The following OPCML variants were observed in gnomAD, a reference collection of about 807,000 sequenced individuals.
The protein encoded by OPCML is opioid-binding protein/cell adhesion molecule.
OPCML carries 13 observed loss-of-function variants against 37.8 expected under a neutral mutation model. The ratio of observed to expected loss-of-function variants is 0.34; its 90% confidence interval spans 0.22 to 0.55. The LOEUF (loss-of-function observed/expected upper bound fraction) is 0.55, where lower values mean the gene tolerates loss of function less well. Ranked by LOEUF, OPCML falls within the 20% of genes least tolerant of loss-of-function variation. The pLI is 0.91. For missense variants in OPCML, 341 were observed against 435.6 expected (o/e 0.78, Z 1.93); for synonymous variants, 176 against 168.8 (o/e 1.04, Z -0.33).
intron 1 of OPCML, among the ~76,000 whole-genome samples, chr11:133,255,120 A>G (rs1474246354): frequency 6.6e-6 from 1 of 152,212 alleles, no homozygotes; most frequent in East Asian, 1.9e-4. Context: ...GTACACTAAC[A>G]TAACTCAACT....
chr11:132,653,459 C>T (rs1941540125), intron 3 of OPCML, among the ~76,000 whole-genome samples: 1 of 152,142 alleles, frequency 6.6e-6, no homozygotes, highest in African/African-American at 2.4e-5. Context: ...ACTAATCCGA[C>T]CCCACAGCTG....
chr11:133,357,653 G>A (rs570371553), intron 1 of OPCML, among the ~76,000 whole-genome samples: 3 of 152,094 alleles, frequency 2.0e-5, no homozygotes, highest in South Asian at 2.1e-4. Context: ...TAATAAAAAT[G>A]TGTCCACACC....
At chr11:133,215,276 C>T (rs1349895803) in intron 1 of OPCML, among the ~76,000 whole-genome samples, 4 of 152,168 alleles carry the variant, frequency 2.6e-5, no homozygotes, top group Non-Finnish European at 5.9e-5. Context: ...ACACCCATCT[C>T]TTTAAAATCG....
At chr11:133,476,292 G>A (rs1233418663) in intron 1 of OPCML, among the ~76,000 whole-genome samples, 2 of 152,130 alleles carry the variant, frequency 1.3e-5, no homozygotes, top group African/African-American at 4.8e-5. Context: ...GCTGTAGACC[G>A]ACCCAAATGG....
chr11:132,789,137 C>A (rs963513892), intron 2 of OPCML, among the ~76,000 whole-genome samples: 10 of 152,152 alleles, frequency 6.6e-5, no homozygotes, highest in Non-Finnish European at 4.4e-5. Context: ...TTCTCTGACC[C>A]TACAAATCTA....
At chr11:133,334,698 T>C (rs878921162) in intron 1 of OPCML, among the ~76,000 whole-genome samples, 4 of 152,286 alleles carry the variant, frequency 2.6e-5, no homozygotes, top group South Asian at 2.1e-4. Context: ...TCTTTTCAGA[T>C]GTTAGGGTCC....
At chr11:132,969,597 CT>C (rs1281571350) in intron 1 of OPCML, among the ~76,000 whole-genome samples, 1 of 152,166 alleles carries the variant, frequency 6.6e-6, no homozygotes, top group Non-Finnish European at 1.5e-5. Context: ...GCTCTGTTCA[CT>C]TTTCTTCACA....
At chr11:133,296,989 A>G (rs572317018) in intron 1 of OPCML, among the ~76,000 whole-genome samples, 1 of 152,296 alleles carries the variant, frequency 6.6e-6, no homozygotes, top group African/African-American at 2.4e-5. Flanking sequence ...TTTACCATGA[A>G]CAGTTGCAAA....
intron 2 of OPCML, among the ~76,000 whole-genome samples, chr11:132,703,547 C>T (rs1319944060): frequency 6.6e-6 from 1 of 152,322 alleles, no homozygotes; most frequent in East Asian, 1.9e-4. Flanking sequence ...ATTTCCCACT[C>T]AGTCTGTCCA....
intron 2 of OPCML, among the ~76,000 whole-genome samples, chr11:132,861,473 G>A (rs371064776): frequency 6.6e-6 from 1 of 152,274 alleles, no homozygotes; most frequent in Non-Finnish European, 1.5e-5. Flanking sequence ...ATATGTACTT[G>A]CATCCAAATA....
intron 2 of OPCML, among the ~76,000 whole-genome samples, chr11:132,920,867 G>A (rs1015454353): frequency 7.9e-5 from 12 of 152,222 alleles, no homozygotes; most frequent in East Asian, 3.9e-4. Context: ...CCCACCTGGC[G>A]TCTCCTGAGC....
chr11:132,666,193 C>T (rs549627492), intron 2 of OPCML, among the ~76,000 whole-genome samples: 1 of 152,260 alleles, frequency 6.6e-6, no homozygotes, highest in African/African-American at 2.4e-5. Flanking sequence ...ACGTGGCTCA[C>T]GGCTCTGCAG....
At chr11:133,464,575 A>G (rs899746419) in intron 1 of OPCML, among the ~76,000 whole-genome samples, 4 of 152,170 alleles carry the variant, frequency 2.6e-5, no homozygotes, top group African/African-American at 9.7e-5. Context: ...TGGAGGAGGA[A>G]CACATCAAGG....
chr11:133,507,402 C>T (rs1414914142), intron 1 of OPCML, among the ~76,000 whole-genome samples: 1 of 152,166 alleles, frequency 6.6e-6, no homozygotes, highest in East Asian at 1.9e-4. Context: ...CAGGCAGCAC[C>T]TCAGGGGGTC....
At chr11:132,729,737 C>T (rs752712602) in intron 2 of OPCML, among the ~76,000 whole-genome samples, 51 of 152,244 alleles carry the variant, frequency 3.3e-4, no homozygotes, top group African/African-American at 1.2e-3. Context: ...GCAGGACAGC[C>T]GTGGAGTTTG....
chr11:132,714,020 ATAT>A (rs10566234), intron 2 of OPCML, among the ~76,000 whole-genome samples: 10,529 of 152,282 alleles, frequency 0.069, 602 homozygotes, highest in African/African-American at 0.15. Context: ...CCAGGACAGG[ATAT>A]TATTACATAA....
At chr11:133,223,598 G>T (rs1382935557) in intron 1 of OPCML, among the ~76,000 whole-genome samples, 1 of 152,190 alleles carries the variant, frequency 6.6e-6, no homozygotes. Context: ...CCACATTCCA[G>T]TTGCGGCAGA....
intron 1 of OPCML, among the ~76,000 whole-genome samples, chr11:133,039,257 G>A (rs1356908265): frequency 6.6e-6 from 1 of 152,188 alleles, no homozygotes; most frequent in Non-Finnish European, 1.5e-5. Flanking sequence ...GCTGCAGCAG[G>A]AGCCAACCTC....
At chr11:132,605,218 T>G (rs930268814) in intron 3 of OPCML, among the ~76,000 whole-genome samples, 8 of 152,110 alleles carry the variant, frequency 5.3e-5, no homozygotes, top group African/African-American at 1.9e-4. Context: ...CCTTTAATAG[T>G]GTCAGAACAT....
Sources: allele counts gnomAD v4.1 joint callset (sites outside exome capture counted in the v4.1 genomes callset), GRCh38; gene constraint gnomAD v4.1.1; transcripts MANE v1.5; gene names NCBI Gene and HGNC (gene_info 2026-07-23, HGNC 2026-07-21).